Variants in SLC15A4 observed in about 807,000 individuals in gnomAD.
The protein encoded by SLC15A4 is solute carrier family 15 member 4.
SLC15A4 carries 26 observed loss-of-function variants against 46.1 expected under a neutral mutation model. The observed-to-expected ratio is 0.56, with a 90% CI of 0.41 to 0.78. The LOEUF (loss-of-function observed/expected upper bound fraction) is 0.78. Among genes scored for constraint, SLC15A4 ranks in the 30% least tolerant of loss-of-function variants. The pLI is 0.00. For missense variants in SLC15A4, 751 were observed against 755.7 expected (o/e 0.99, Z 0.07); for synonymous variants, 370 against 333.4 (o/e 1.11, Z -1.20).
chr12:128,820,633 A>T (rs1955819330), intron 1 of SLC15A4, among the ~76,000 whole-genome samples: 1 of 144,558 alleles, frequency 6.9e-6, no homozygotes, highest in South Asian at 2.3e-4. Context: ...CATCAGTAAA[A>T]TGGGCACCGT....
At chr12:128,800,740 C>T (rs1209675737) in intron 6 of SLC15A4, 114 bp downstream of exon 6, 6 of 1,129,466 alleles carry the variant, frequency 5.3e-6, no homozygotes, top group Non-Finnish European at 7.3e-6. Context: ...CTGCCAAAAA[C>T]TACAGAAGTG....
At chr12:128,814,463 G>A (rs540637593) in intron 2 of SLC15A4, 3 of 317,606 alleles carry the variant, frequency 9.4e-6, no homozygotes, top group African/African-American at 2.1e-5. Context: ...CTGTCTCCTC[G>A]ATGTCCTCCA....
intron 3 of SLC15A4, chr12:128,809,725 G>T (rs761518380): frequency 2.0e-5 from 11 of 545,310 alleles, no homozygotes; most frequent in Non-Finnish European, 3.2e-5. Context: ...TGAAAAACCA[G>T]AAGCGTACCT....
intron 6 of SLC15A4, among the ~76,000 whole-genome samples, chr12:128,799,704 G>A (rs1397106614): frequency 2.0e-5 from 3 of 152,236 alleles, no homozygotes; most frequent in Non-Finnish European, 2.9e-5. Flanking sequence ...GTGATTTGTT[G>A]GCTCTTAGAC....
intron 1 of SLC15A4, 98 bp downstream of exon 1, chr12:128,823,300 C>T (rs1955876217): frequency 8.5e-7 from 1 of 1,182,154 alleles, no homozygotes; most frequent in South Asian, 2.0e-5. Context: ...GCAAGGGGCT[C>T]CCTCCGCGGT....
intron 2 of SLC15A4, among the ~76,000 whole-genome samples, chr12:128,812,319 T>A (rs1048826830): frequency 1.6e-4 from 25 of 151,978 alleles, no homozygotes; most frequent in Admixed American, 3.9e-4. Context: ...CTTTTTTTTT[T>A]TATTTTATTT....
At position 128,823,628 on chromosome 12, in the gene SLC15A4, T is replaced by C. The variant is rs747257809; in HGVS notation, c.316A>G (p.Ile106Val). Residue 106 changes from isoleucine to valine, a missense_variant, in exon 1 of 8, where the codon ATC becomes GTC. By Grantham distance (29) the Ile-to-Val change is conservative (BLOSUM62 3). Coordinates refer to ENST00000266771, the MANE Select transcript of SLC15A4 (RefSeq NM_145648.4). ...AGGTAGAGCGCCAGGCTCAGCAGGA[T>C]GGCGCGCGCCCGGCCCAGCCGCGCG... ...ADARLGRARA[I>V]LLSLALYLLG... 3 of 1,475,930 alleles carry C rather than the reference T, an allele frequency of 2.0e-6. No homozygotes were observed. In the South Asian group the frequency reaches 3.8e-5, roughly 19 times the overall value. 91.4% of individuals were successfully genotyped at this position (1,475,930 alleles called of 1,614,324 possible).
rs1566042305 is a variant in SLC15A4, at chr12:128,794,080, G to A, written c.*116C>T. 1.7e-5 allele frequency: 18 copies of A among 1,045,716 alleles called. No individual in the cohort carries two copies. The highest frequency in any genetic ancestry group is 2.5e-5 in the Non-Finnish European group (18 of 719,402). 64.8% of individuals were successfully genotyped at this position (1,045,716 alleles called of 1,614,324 possible). A position where few individuals can be genotyped will look rare whatever the true frequency, so the allele number is the denominator to read the frequency against. ...AAGAAGAAATCAATCCAGGCAACATGCAAGTTTCAGTGAAGTCAGACATTT... is the reference window on the plus strand; with the variant it reads ...AAGAAGAAATCAATCCAGGCAACATACAAGTTTCAGTGAAGTCAGACATTT... On this transcript the variant is annotated 3_prime_UTR_variant, in exon 8 of 8. Transcript: ENST00000266771.
At chr12:128,796,091 C>CTGCATGTTCAACAG (rs1453444618) in intron 7 of SLC15A4, among the ~76,000 whole-genome samples, 1 of 152,194 alleles carries the variant, frequency 6.6e-6, no homozygotes, top group Non-Finnish European at 1.5e-5. Context: ...TGAACATATA[C>CTGCATGTTCAACAG]TGCATGTTCA....
intron 1 of SLC15A4, among the ~76,000 whole-genome samples, chr12:128,820,912 G>A (rs1245897476): frequency 6.6e-6 from 1 of 152,182 alleles, no homozygotes; most frequent in East Asian, 1.9e-4. Context: ...TTCTCGTGGG[G>A]CCTAGTGTTT....
intron 5 of SLC15A4, among the ~76,000 whole-genome samples, chr12:128,807,828 A>C (rs1955608260): frequency 6.6e-6 from 1 of 152,254 alleles, no homozygotes; most frequent in Non-Finnish European, 1.5e-5. Context: ...ATAGTCTTCT[A>C]AAATGTCCCA....
At chr12:128,811,377 G>A (rs1048444394) in intron 2 of SLC15A4, among the ~76,000 whole-genome samples, 1 of 152,220 alleles carries the variant, frequency 6.6e-6, no homozygotes, top group Non-Finnish European at 1.5e-5. Context: ...GACATTCAGA[G>A]TGGGGAAAAA....
chr12:128,806,165 C>CAAAAAAAAAAAAA (rs765448653), intron 5 of SLC15A4, among the ~76,000 whole-genome samples: 1 of 86,304 alleles, frequency 1.2e-5, no homozygotes, highest in Non-Finnish European at 2.2e-5. Context: ...GACTCTGTCT[C>CAAAAAAAAAAAAA]AAAAAAAAAA....
intron 5 of SLC15A4, 77 bp from the exon 6 acceptor site, chr12:128,801,086 C>T (rs192386462): frequency 1.7e-5 from 24 of 1,377,424 alleles, no homozygotes; most frequent in South Asian, 1.4e-4. Context: ...ATGTTGGCTA[C>T]GAGACTTCGT....
Position 128,809,994 on chromosome 12 carries a change from CTTG to C in SLC15A4, c.957_959del (p.Lys320del), listed in dbSNP as rs1456983069. ...TCAAAGCCAAGAAAACAGGGACAAT[CTTG>C]ACCAGAGCTTTCACATCTTCCACTT... is the stretch of plus-strand genomic sequence containing the variant. On this transcript the variant is annotated inframe_deletion, in exon 3 of 8. Transcript: ENST00000266771. 4 of 1,614,168 alleles carry C rather than the reference CTTG, an allele frequency of 2.5e-6. No homozygotes were observed. The highest frequency in any genetic ancestry group is 3.4e-6 in the Non-Finnish European group (4 of 1,180,028).
chr12:128,801,180 C>T (rs1955515029), intron 5 of SLC15A4, 171 bp from the exon 6 acceptor site: 2 of 596,244 alleles, frequency 3.4e-6, no homozygotes, highest in Non-Finnish European at 5.7e-6. Context: ...CTTCAGCCTC[C>T]TAAGCAGGCT....
At chr12:128,806,567 A>G (rs1955591961) in intron 5 of SLC15A4, among the ~76,000 whole-genome samples, 1 of 152,248 alleles carries the variant, frequency 6.6e-6, no homozygotes, top group Non-Finnish European at 1.5e-5. Flanking sequence ...ATGAAACCTC[A>G]TCAAACATGG....
rs1470687628 is a variant in SLC15A4, at chr12:128,793,984, T to G, written c.*212A>C. 3 of 413,228 alleles carry G rather than the reference T, an allele frequency of 7.3e-6. No homozygotes were observed. The highest frequency in any genetic ancestry group is 8.6e-6 in the Non-Finnish European group (2 of 232,564). 25.6% of individuals were successfully genotyped at this position (413,228 alleles called of 1,614,324 possible). On this transcript the variant is annotated 3_prime_UTR_variant, in exon 8 of 8. Coordinates refer to ENST00000266771, the MANE Select transcript of SLC15A4 (RefSeq NM_145648.4). Reference sequence around the variant, plus strand: ...ACATACTCGAAATCTGCAGCTCTCCTCCCGGAGGGCCCAGCGTGCCAGGAG... The same window carrying G: ...ACATACTCGAAATCTGCAGCTCTCCGCCCGGAGGGCCCAGCGTGCCAGGAG...
chr12:128,794,261 A>G lies in SLC15A4; in HGVS notation c.1669T>C (p.Tyr557His). The change falls in exon 8 of 8, where the codon TAT (tyrosine) becomes CAT (histidine). Residue 557 changes from tyrosine (Y) to histidine (H), a missense_variant. Transcript: ENST00000266771. The stretch of plus-strand genomic sequence containing the variant: ...CGCTGATGGTCTCGATGATGGTCAT[A>G]TTTCACAGAAATAATGAGGAAAAGC... ...LLLFLIISVK[Y>H]DHHRDHQRSR... The G allele has an allele frequency of 6.2e-7, 1 of 1,614,088 alleles. No homozygotes were observed. The highest frequency in any genetic ancestry group is 8.5e-7 in the Non-Finnish European group (1 of 1,179,952).
Sources: allele counts gnomAD v4.1 joint callset (sites outside exome capture counted in the v4.1 genomes callset), GRCh38; gene constraint gnomAD v4.1.1; transcripts MANE v1.5; gene names NCBI Gene and HGNC (gene_info 2026-07-23, HGNC 2026-07-21).